PERCC1: variants seen among roughly 807,000 people sequenced by gnomAD.
The protein encoded by PERCC1 is proline and glutamate rich with coiled coil 1, also known as protein PERCC1.
chr16:1,432,128 G>A (rs1330251733), intron 1 of PERCC1, among the ~76,000 whole-genome samples: 3 of 151,984 alleles, frequency 2.0e-5, no homozygotes, highest in Non-Finnish European at 2.9e-5. Flanking sequence ...CCCCTGCCTG[G>A]CTTCTCGAGG....
At chr16:1,432,344 G>A (rs1327709533) in intron 1 of PERCC1, among the ~76,000 whole-genome samples, 3 of 152,214 alleles carry the variant, frequency 2.0e-5, no homozygotes, top group Non-Finnish European at 2.9e-5. Context: ...CCACGGCCAT[G>A]CGGCCACAGT....
chr16:1,432,009 A>T (rs549786108), intron 1 of PERCC1, among the ~76,000 whole-genome samples: 1 of 152,230 alleles, frequency 6.6e-6, no homozygotes, highest in African/African-American at 2.4e-5. Flanking sequence ...CTCCACTTTG[A>T]TCAAGAGCCA....
In PERCC1 at chr16:1,433,339, C is replaced by G. The variant is rs2038468535; in HGVS notation, c.746C>G (p.Pro249Arg). The change falls in exon 2 of 2, where the codon CCT becomes CGT. Residue 249 changes from proline to arginine, a missense_variant. Physicochemically the swap from Pro to Arg is moderately radical, Grantham distance 103. Transcript: ENST00000640283. Reference protein sequence around the residue: ...LLASWSTEACPELPGRGTPAL... With the variant: ...LLASWSTEACRELPGRGTPAL... ...GCCAGCTGGTCAACCGAGGCCTGTC[C>G]TGAGCTGCCCGGCAGGGGAACCCCA... 2.5e-6 allele frequency: 1 copy of G among 398,508 alleles called. No individual in the cohort carries two copies. The highest frequency in any genetic ancestry group is 4.4e-6 in the Non-Finnish European group (1 of 226,014). 24.7% of individuals were successfully genotyped at this position (398,508 alleles called of 1,614,324 possible). A position where few individuals can be genotyped will look rare whatever the true frequency, so the allele number is the denominator to read the frequency against.
At position 1,432,832 on chromosome 16, in the gene PERCC1, C is replaced by G. The variant is rs1007213664; in HGVS notation, c.239C>G (p.Pro80Arg). The G allele has an allele frequency of 2.5e-6, 1 of 398,522 alleles. No individual in the cohort carries two copies. The highest frequency in any genetic ancestry group is 4.4e-6 in the Non-Finnish European group (1 of 225,980). 24.7% of individuals were successfully genotyped at this position (398,522 alleles called of 1,614,324 possible). A position where few individuals can be genotyped will look rare whatever the true frequency, so the allele number is the denominator to read the frequency against. ...EEAAPEGPGS[P>R]ETPLQLLRFS... ...GCAGCCCCCGAGGGTCCCGGCAGCC[C>G]CGAGACCCCGCTGCAGCTGCTACGC... The change falls in exon 2 of 2, where the codon CCC (proline) becomes CGC (arginine). Residue 80 changes from proline (P) to arginine (R), a missense_variant. Coordinates refer to ENST00000640283, the MANE Select transcript of PERCC1 (RefSeq NM_001365310.2).
In PERCC1 at chr16:1,432,951, C is replaced by T. The variant is rs549059538; in HGVS notation, c.358C>T (p.Arg120Cys). ...TGCCTGCGACGTCTACGCCGACAGC[C>T]GCCCACCCCGCAGCACTGCCCGGGA... ...PDACDVYADS[R>C]PPRSTARELY... Residue 120 changes from arginine to cysteine, a missense_variant, in exon 2 of 2, where the codon CGC becomes TGC. Physicochemically the swap from Arg to Cys is radical, Grantham distance 180 (BLOSUM62 -3). Coordinates refer to ENST00000640283, the MANE Select transcript of PERCC1 (RefSeq NM_001365310.2). The T allele has an allele frequency of 2.8e-5, 11 of 398,946 alleles. No homozygotes were observed. The highest frequency in any genetic ancestry group is 1.2e-4 in the African/African-American group (6 of 48,746). 24.7% of individuals were successfully genotyped at this position (398,946 alleles called of 1,614,324 possible). A position where few individuals can be genotyped will look rare whatever the true frequency, so the allele number is the denominator to read the frequency against.
chr16:1,431,538 C>T (rs1250370850), intron 1 of PERCC1, among the ~76,000 whole-genome samples: 1 of 151,944 alleles, frequency 6.6e-6, no homozygotes, highest in Non-Finnish European at 1.5e-5. Context: ...GCCCTTCCTA[C>T]TCCCCGCAAC....
Position 1,432,860 on chromosome 16 carries a change from T to G in PERCC1, c.267T>G (p.Phe89Leu). 1 of 398,640 alleles carries G rather than the reference T, an allele frequency of 2.5e-6. No homozygotes were observed. Among genetic ancestry groups the G allele is most frequent in the Non-Finnish European group, 4.4e-6 (1 of 225,978 alleles). 24.7% of individuals were successfully genotyped at this position (398,640 alleles called of 1,614,324 possible). A position where few individuals can be genotyped will look rare whatever the true frequency, so the allele number is the denominator to read the frequency against. ...SPETPLQLLR[F>L]SELISDDIRR... is the part of the protein sequence containing the mutation. The stretch of plus-strand genomic sequence containing the variant: ...AGACCCCGCTGCAGCTGCTACGCTT[T>G]TCAGAGCTCATCAGCGACGACATCC... Residue 89 changes from phenylalanine to leucine, a missense_variant, in exon 2 of 2, where the codon TTT becomes TTG. By Grantham distance (22) the Phe-to-Leu change is conservative. Coordinates refer to ENST00000640283, the MANE Select transcript of PERCC1 (RefSeq NM_001365310.2).
chr16:1,431,259 G>T (rs1380676816), intron 1 of PERCC1, among the ~76,000 whole-genome samples, 151 bp downstream of exon 1: 3 of 152,008 alleles, frequency 2.0e-5, no homozygotes, highest in African/African-American at 7.2e-5. Context: ...GACTGGGCCG[G>T]CATTGGGGCA....
At position 1,432,577 on chromosome 16, in the gene PERCC1, GC is replaced by G. The variant is rs1472310774; in HGVS notation, c.-16del. On this transcript the variant is annotated 5_prime_UTR_variant, in exon 2 of 2. Coordinates refer to ENST00000640283, the MANE Select transcript of PERCC1 (RefSeq NM_001365310.2). The stretch of plus-strand genomic sequence containing the variant: ...GCCTGCTGCCCCGGAGGCCCCAGAA[GC>G]GTGGGACGCGCGGAGATGGCCGCCG... 1.5e-5 allele frequency: 6 copies of G among 398,766 alleles called. No homozygotes were observed. The highest frequency in any genetic ancestry group is 2.2e-5 in the Non-Finnish European group (5 of 226,138). 24.7% of individuals were successfully genotyped at this position (398,766 alleles called of 1,614,324 possible).
rs1467338333 is a variant in PERCC1, at chr16:1,433,811, G to A, written c.*414G>A. ...TCCCACCGAACCCCTAGGACTAAGC[G>A]GCCCGGAACCTGTGGCCCCTCCCCT... On this transcript the variant is annotated 3_prime_UTR_variant, in exon 2 of 2. Transcript: ENST00000640283. Among the ~76,000 whole-genome samples the A allele has an allele frequency of 6.6e-6, 1 of 152,218 alleles. No individual in the cohort carries two copies.
intron 1 of PERCC1, among the ~76,000 whole-genome samples, 179 bp downstream of exon 1, chr16:1,431,287 G>A (rs756593547): frequency 3.3e-5 from 5 of 152,096 alleles, no homozygotes; most frequent in Non-Finnish European, 7.4e-5. Flanking sequence ...CGCCATGGGA[G>A]GGCACCTGCA....
intron 1 of PERCC1, among the ~76,000 whole-genome samples, chr16:1,431,377 C>A (rs2038446882): frequency 6.6e-6 from 1 of 152,240 alleles, no homozygotes; most frequent in South Asian, 2.1e-4. Flanking sequence ...GACCCCAGTA[C>A]TTCAGTGAGA....
chr16:1,434,430 G>A lies in PERCC1; in HGVS notation c.*1033G>A, dbSNP rs1031233423. ...CGTTTATTTCTGGATAAACAGTGAGGGTGTGAGCTGCTGCACCTGCTCCTG... is the reference window on the plus strand; with the variant it reads ...CGTTTATTTCTGGATAAACAGTGAGAGTGTGAGCTGCTGCACCTGCTCCTG... On this transcript the variant is annotated 3_prime_UTR_variant, in exon 2 of 2. Coordinates refer to ENST00000640283, the MANE Select transcript of PERCC1 (RefSeq NM_001365310.2). 3 of 1,550,228 alleles carry A rather than the reference G, an allele frequency of 1.9e-6. No individual in the cohort carries two copies. The highest frequency in any genetic ancestry group is 2.7e-5 in the African/African-American group (2 of 73,040).
intron 1 of PERCC1, 49 bp from the exon 2 acceptor site, chr16:1,432,498 G>C: frequency 2.5e-6 from 1 of 398,370 alleles, no homozygotes; most frequent in East Asian, 3.6e-5. Flanking sequence ...GGGCGGCGGG[G>C]GCATGGCCAG....
In PERCC1 at chr16:1,434,403, C is replaced by A. The variant is rs896544568; in HGVS notation, c.*1006C>A. On this transcript the variant is annotated 3_prime_UTR_variant, in exon 2 of 2. Transcript: ENST00000640283. ...TCAGCTCTAATGAGTACAAAGCCAGCACGTTTATTTCTGGATAAACAGTGA... is the reference window on the plus strand; with the variant it reads ...TCAGCTCTAATGAGTACAAAGCCAGAACGTTTATTTCTGGATAAACAGTGA... 1 of 1,550,142 alleles carries A rather than the reference C, an allele frequency of 6.5e-7. No homozygotes were observed. The highest frequency in any genetic ancestry group is 8.7e-7 in the Non-Finnish European group (1 of 1,146,790).
Position 1,434,064 on chromosome 16 carries a change from G to T in PERCC1, c.*667G>T, listed in dbSNP as rs996968443. ...CTTCCCCGGGTCCTCCTCACAACCC[G>T]GGCAGGGGCAGCTCACAGCGGGTCC... On this transcript the variant is annotated 3_prime_UTR_variant, in exon 2 of 2. Coordinates refer to ENST00000640283, the MANE Select transcript of PERCC1 (RefSeq NM_001365310.2). 5.5e-3 allele frequency among the ~76,000 whole-genome samples: 70 copies of T among 12,652 alleles called. 1 individual carries two copies. Among genetic ancestry groups the T allele is most frequent in the Non-Finnish European group, 7.0e-3 (58 of 8,332 alleles). The allele number at this position is 12,652 out of a possible 152,430, so 8.3% of individuals were successfully genotyped here. A position where few individuals can be genotyped will look rare whatever the true frequency, so the allele number is the denominator to read the frequency against.
rs1291193832 is a variant in PERCC1 at position 1,431,336 on chromosome 16, G to A, written c.-48+228G>A. 5.3e-5 allele frequency among the ~76,000 whole-genome samples: 8 copies of A among 152,230 alleles called. No homozygotes were observed. In the East Asian group the frequency reaches 1.2e-3, roughly 22 times the overall value. Reference sequence around the variant, plus strand: ...TGAGCAGTCAGCCCCAAAGTCCAGCGCTCAGGACACTGGATGCCTCCTGCG... The same window carrying A: ...TGAGCAGTCAGCCCCAAAGTCCAGCACTCAGGACACTGGATGCCTCCTGCG... On this transcript the variant is annotated intron_variant, in intron 1 of 1. Transcript: ENST00000640283.
chr16:1,433,436 C>A lies in PERCC1; in HGVS notation c.*39C>A, dbSNP rs927692876. On this transcript the variant is annotated 3_prime_UTR_variant, in exon 2 of 2. Coordinates refer to ENST00000640283, the MANE Select transcript of PERCC1 (RefSeq NM_001365310.2). ...TCAGAGCTAGCTGGCGGCAGCAGGG[C>A]CACCCCTAAGGCACTGGACTCTCCT... The A allele has an allele frequency of 7.5e-5, 30 of 398,548 alleles. No individual in the cohort carries two copies. Among genetic ancestry groups the A allele is most frequent in the Non-Finnish European group, 1.1e-4 (26 of 226,122 alleles). 24.7% of individuals were successfully genotyped at this position (398,548 alleles called of 1,614,324 possible).
In PERCC1 at chr16:1,433,968, G is replaced by T. The variant is rs2038473517; in HGVS notation, c.*571G>T. On this transcript the variant is annotated 3_prime_UTR_variant, in exon 2 of 2. Coordinates refer to ENST00000640283, the MANE Select transcript of PERCC1 (RefSeq NM_001365310.2). ...GCCGTCTCCTCCCCAGATGCCGGAA[G>T]GCTCTTCCACTGCAGGGCTGCTGGG... 6.6e-6 allele frequency among the ~76,000 whole-genome samples: 1 copy of T among 152,198 alleles called. No homozygotes were observed. The highest frequency in any genetic ancestry group is 1.5e-5 in the Non-Finnish European group (1 of 68,016).
Sources: gnomAD v4.1 joint callset for allele counts (sites outside exome capture counted in the v4.1 genomes callset) on GRCh38, gnomAD v4.1.1 for gene constraint, MANE v1.5 for transcripts, NCBI Gene and HGNC (gene_info 2026-07-23, HGNC 2026-07-21) for gene names.